Variants in EYA2 observed in about 807,000 individuals in gnomAD.
EYA2 encodes the protein protein phosphatase EYA2.
A neutral mutation model predicts 69.2 loss-of-function variants in EYA2; 31 were observed. That is an observed-to-expected ratio of 0.45 (90% CI 0.34 to 0.60). The LOEUF is 0.60. Ranked by LOEUF, EYA2 falls within the 20% of genes least tolerant of loss-of-function variation. EYA2 has a pLI of 0.02. For missense variants in EYA2, 622 were observed against 701.2 expected (o/e 0.89, Z 1.28); for synonymous variants, 257 against 279.4 (o/e 0.92, Z 0.80).
At chr20:47,050,843 A>G (rs750633435) in intron 5 of EYA2, among the ~76,000 whole-genome samples, 82 of 152,324 alleles carry the variant, frequency 5.4e-4, no homozygotes, top group Admixed American at 1.2e-3. Flanking sequence ...ATTTGGAGAG[A>G]GAAAGCGTAG....
intron 5 of EYA2, among the ~76,000 whole-genome samples, chr20:47,021,641 AAAAG>A (rs1568729119): frequency 2.6e-5 from 4 of 151,620 alleles, no homozygotes; most frequent in South Asian, 2.1e-4. Context: ...AAAAAAAAAA[AAAAG>A]GCAAGAAAAC....
chr20:47,000,888 A>G (rs547666414), intron 2 of EYA2, among the ~76,000 whole-genome samples: 1 of 152,232 alleles, frequency 6.6e-6, no homozygotes, highest in African/African-American at 2.4e-5. Context: ...GGAAGTGAGG[A>G]GGCAGGGGAG....
At chr20:46,931,267 G>A (rs1036189824) in intron 1 of EYA2, among the ~76,000 whole-genome samples, 24 of 152,274 alleles carry the variant, frequency 1.6e-4, no homozygotes, top group African/African-American at 5.3e-4. Flanking sequence ...TGAAGACCCC[G>A]GCCCAGTTAA....
intron 1 of EYA2, among the ~76,000 whole-genome samples, chr20:46,953,571 T>C (rs1978936247): frequency 6.6e-6 from 1 of 152,196 alleles, no homozygotes; most frequent in African/African-American, 2.4e-5. Context: ...GTACGGACAC[T>C]GGGGCCTGAT....
intron 1 of EYA2, among the ~76,000 whole-genome samples, chr20:46,953,688 T>C (rs1330712598): frequency 6.6e-6 from 1 of 152,196 alleles, no homozygotes; most frequent in African/African-American, 2.4e-5. Context: ...ACCAGAAGTG[T>C]CTCTGGACAT....
At chr20:46,943,911 A>G (rs1385603970) in intron 1 of EYA2, among the ~76,000 whole-genome samples, 1 of 151,944 alleles carries the variant, frequency 6.6e-6, no homozygotes, top group Admixed American at 6.6e-5. Flanking sequence ...TTTTTCTTTT[A>G]TATCTCTCCC....
At chr20:47,084,148 A>AG (rs1308988038) in intron 7 of EYA2, among the ~76,000 whole-genome samples, 1 of 152,230 alleles carries the variant, frequency 6.6e-6, no homozygotes, top group African/African-American at 2.4e-5. Context: ...CGGGAGGCTG[A>AG]GTCAGGAGAA....
chr20:46,989,934 A>C lies in EYA2; in HGVS notation c.-10-67A>C. 5 of 808,268 alleles carry C rather than the reference A, an allele frequency of 6.2e-6. No individual in the cohort carries two copies. The South Asian group carries it at 7.3e-5, about 12-fold the overall frequency. 50.1% of individuals were successfully genotyped at this position (808,268 alleles called of 1,614,324 possible). A position where few individuals can be genotyped will look rare whatever the true frequency, so the allele number is the denominator to read the frequency against. ...GTAATATTTATACTCTTAGGGAAAG[A>C]AATAGGAATCATTAGCAAGCATGCA... On this transcript the variant is annotated intron_variant, in intron 1 of 15. Transcript: ENST00000327619.
intron 15 of EYA2, among the ~76,000 whole-genome samples, chr20:47,183,692 G>A (rs1362886768): frequency 1.3e-5 from 2 of 152,174 alleles, no homozygotes; most frequent in Admixed American, 6.5e-5. Context: ...GCCAGTGCAC[G>A]TGCATGTGTT....
chr20:47,030,167 T>C (rs1984323953), intron 5 of EYA2, among the ~76,000 whole-genome samples: 1 of 152,222 alleles, frequency 6.6e-6, no homozygotes, highest in East Asian at 1.9e-4. Flanking sequence ...CTTATCTGCC[T>C]GAATGTTTGG....
chr20:46,933,693 C>T (rs574937415), intron 1 of EYA2, among the ~76,000 whole-genome samples: 5 of 152,368 alleles, frequency 3.3e-5, no homozygotes, highest in Non-Finnish European at 5.9e-5. Context: ...GACCGTGCTA[C>T]AGCTCCTCAC....
At chr20:47,155,595 C>T (rs188080542) in intron 10 of EYA2, among the ~76,000 whole-genome samples, 3 of 152,012 alleles carry the variant, frequency 2.0e-5, no homozygotes, top group Admixed American at 6.5e-5. Flanking sequence ...CGACAGCTGA[C>T]GCATATCAAG....
In EYA2 at chr20:47,166,393, TAAAAAAAAAAAA is replaced by T. The variant is rs370944686; in HGVS notation, c.979-2719_979-2708del. Reference sequence around the variant, plus strand: ...GCTTGGGTGACAGAGCAAGACTGTCTAAAAAAAAAAAAAAAAAAAAAAAAAAAAAAAAAAAAA... The same window carrying T: ...GCTTGGGTGACAGAGCAAGACTGTCTAAAAAAAAAAAAAAAAAAAAAAAAA... On this transcript the variant is annotated intron_variant, in intron 10 of 15. Coordinates refer to ENST00000327619, the MANE Select transcript of EYA2 (RefSeq NM_005244.5). Among the ~76,000 whole-genome samples, 126 of 34,520 alleles carry T rather than the reference TAAAAAAAAAAAA, an allele frequency of 3.7e-3. 4 individuals carry two copies. The highest frequency in any genetic ancestry group is 0.067 in the Middle Eastern group (2 of 30). The allele number at this position is 34,520 out of a possible 152,430, so 22.6% of individuals were successfully genotyped here.
Position 46,908,276 on chromosome 20 carries a change from A to T in EYA2, c.-11+13289A>T, listed in dbSNP as rs180793268. On this transcript the variant is annotated intron_variant, in intron 1 of 15. Coordinates refer to ENST00000327619, the MANE Select transcript of EYA2 (RefSeq NM_005244.5). The stretch of plus-strand genomic sequence containing the variant: ...TGTATATAAGGTACGCAGAATATCA[A>T]ATGATAAGTCCATGGAGAAAAAAGG... Among the ~76,000 whole-genome samples, 654 of 152,368 alleles carry T rather than the reference A, an allele frequency of 4.3e-3. 5 individuals carry two copies. Among genetic ancestry groups the T allele is most frequent in the African/African-American group, 0.015 (619 of 41,584 alleles).
At chr20:47,176,884 C>T (rs6063081) in intron 12 of EYA2, among the ~76,000 whole-genome samples, 61,977 of 150,500 alleles carry the variant, frequency 0.41, 13,272 homozygotes, top group Non-Finnish European at 0.49. Flanking sequence ...CTCCGCCTCC[C>T]GAGTTCAAGC....
intron 7 of EYA2, among the ~76,000 whole-genome samples, chr20:47,088,626 T>C (rs754508371): frequency 5.9e-5 from 9 of 152,138 alleles, no homozygotes; most frequent in Non-Finnish European, 1.2e-4. Flanking sequence ...CTCGCTCTGT[T>C]ATCCAGGTTG....
chr20:47,125,513 TA>T (rs577459820), intron 9 of EYA2, among the ~76,000 whole-genome samples: 4 of 152,154 alleles, frequency 2.6e-5, no homozygotes, highest in South Asian at 2.1e-4. Context: ...TGTCTTCCTC[TA>T]AAAAAAATTT....
At chr20:46,906,946 G>A (rs562488441) in intron 1 of EYA2, among the ~76,000 whole-genome samples, 27 of 152,138 alleles carry the variant, frequency 1.8e-4, no homozygotes, top group Non-Finnish European at 2.9e-4. Flanking sequence ...ATGTATTTGC[G>A]TATTCCATTA....
intron 10 of EYA2, among the ~76,000 whole-genome samples, chr20:47,163,366 C>A (rs1001888551): frequency 6.6e-6 from 1 of 152,208 alleles, no homozygotes; most frequent in South Asian, 2.1e-4. Flanking sequence ...TTTTCACACT[C>A]CAGGATGTCT....
Sources: gnomAD v4.1 joint callset for allele counts (sites outside exome capture counted in the v4.1 genomes callset) on GRCh38, gnomAD v4.1.1 for gene constraint, MANE v1.5 for transcripts, NCBI Gene and HGNC (gene_info 2026-07-23, HGNC 2026-07-21) for gene names.